SV2B: variants seen among roughly 807,000 people sequenced by gnomAD.
SV2B encodes the protein solute carrier family 22 member B2.
In SV2B, 41 loss-of-function variants were observed where a neutral mutation model predicts 73.9. The ratio of observed to expected loss-of-function variants is 0.56; its 90% CI spans 0.43 to 0.72. The LOEUF (loss-of-function observed/expected upper bound fraction) is 0.72. Among genes scored for constraint, SV2B ranks in the 30% least tolerant of loss-of-function variants. The pLI, the probability that SV2B is intolerant of heterozygous loss-of-function variation, is 0.00. For missense variants in SV2B, 764 were observed against 857.8 expected, an observed-to-expected ratio of 0.89 and a Z score of 1.37; for synonymous variants, 314 against 314.2, an observed-to-expected ratio of 1.00 and a Z score of 0.01.
At chr15:91,277,785 A>G (rs1236355916) in intron 9 of SV2B, among the ~76,000 whole-genome samples, 2 of 152,144 alleles carry the variant, frequency 1.3e-5, no homozygotes, top group African/African-American at 2.4e-5. Context: ...AACTATATTT[A>G]TATATGAATT....
rs1256011528 is a variant in SV2B, at chr15:91,129,913, G to A, written c.-392+29550G>A. Among the ~76,000 whole-genome samples, 1 of 152,206 alleles carries A rather than the reference G, an allele frequency of 6.6e-6. No homozygotes were observed. The highest frequency in any genetic ancestry group is 1.5e-5 in the Non-Finnish European group (1 of 68,034). Reference sequence around the variant, plus strand: ...GGGAGGGTTAAGTGAGATAATGCATGTAACACGCTTAGCTCAGTGCCTGGT... The same window carrying A: ...GGGAGGGTTAAGTGAGATAATGCATATAACACGCTTAGCTCAGTGCCTGGT... On this transcript the variant is annotated intron_variant, in intron 1 of 12. Transcript: ENST00000394232. The surrounding 1 kb of genome is among the most constrained non-coding windows in gnomAD (Gnocchi z 5.1).
chr15:91,272,847 T>G lies in SV2B; in HGVS notation c.1373+4242T>G, dbSNP rs1186840783. On this transcript the variant is annotated intron_variant, in intron 9 of 12. Coordinates refer to ENST00000394232, the MANE Select transcript of SV2B (RefSeq NM_001323032.3). ...ATTCGTCTTTTTTTTTTTTTTTTTTTTTTTTGATGGAGTCTCACTCTGTCT... is the reference window on the plus strand; with the variant it reads ...ATTCGTCTTTTTTTTTTTTTTTTTTGTTTTTGATGGAGTCTCACTCTGTCT... 2.8e-5 allele frequency among the ~76,000 whole-genome samples: 4 copies of G among 144,666 alleles called. 1 individual carries two copies. Among genetic ancestry groups the G allele is most frequent in the Non-Finnish European group, 6.0e-5 (4 of 66,480 alleles). The allele number at this position is 144,666 out of a possible 152,430, so 94.9% of individuals were successfully genotyped here.
intron 1 of SV2B, among the ~76,000 whole-genome samples, chr15:91,143,455 G>C (rs1596471149): frequency 6.6e-6 from 1 of 152,134 alleles, no homozygotes; most frequent in Non-Finnish European, 1.5e-5. Context: ...CCTGAGATAA[G>C]TTTGTCACGA....
intron 1 of SV2B, among the ~76,000 whole-genome samples, chr15:91,161,402 GA>G (rs1473015735): frequency 6.6e-6 from 1 of 152,128 alleles, no homozygotes; most frequent in African/African-American, 2.4e-5. Context: ...AGCAAGTTGT[GA>G]AAAACAGGTC....
chr15:91,189,929 A>G (rs547671107), intron 1 of SV2B, among the ~76,000 whole-genome samples: 7 of 152,252 alleles, frequency 4.6e-5, no homozygotes, highest in African/African-American at 1.7e-4. Flanking sequence ...CGGAGCTGGC[A>G]GTGAGCTGAG....
chr15:91,257,738 C>T (rs150577068), intron 4 of SV2B, among the ~76,000 whole-genome samples: 1 of 152,176 alleles, frequency 6.6e-6, no homozygotes, highest in African/African-American at 2.4e-5. Context: ...TCTGGCCTTC[C>T]TCTGGCTGCA....
chr15:91,221,632 C>A (rs983294424), intron 1 of SV2B, among the ~76,000 whole-genome samples: 19 of 151,616 alleles, frequency 1.3e-4, no homozygotes, highest in African/African-American at 4.6e-4. Context: ...TCCTTCCAGC[C>A]CCATGGCCAC....
rs534941844 is a variant in SV2B, at chr15:91,146,072, C to A, written c.-392+45709C>A. ...ATCTTTGCCCATTCCTTTGTCCAGA[C>A]TGGTATTGCCTAGGTTGTCTTCCAG... On this transcript the variant is annotated intron_variant, in intron 1 of 12. Transcript: ENST00000394232. Among the ~76,000 whole-genome samples, 32 of 152,262 alleles carry A rather than the reference C, an allele frequency of 2.1e-4. 1 individual carries two copies. Among genetic ancestry groups the A allele is most frequent in the Middle Eastern group, 3.4e-3 (1 of 294 alleles).
rs371617875 is a variant in SV2B at position 91,137,683 on chromosome 15, T to C, written c.-392+37320T>C. Among the ~76,000 whole-genome samples the C allele has an allele frequency of 2.7e-5, 4 of 148,302 alleles. No individual in the cohort carries two copies. The highest frequency in any genetic ancestry group is 2.0e-4 in the East Asian group (1 of 5,108). ...TATATACATATATTTCATATATATATACACACACACACACATTTGCACAGG... is the reference window on the plus strand; with the variant it reads ...TATATACATATATTTCATATATATACACACACACACACACATTTGCACAGG... On this transcript the variant is annotated intron_variant, in intron 1 of 12. Transcript: ENST00000394232. This position sits in a 1 kb window ranked among gnomAD's most constrained non-coding sequence, Gnocchi z 4.9.
rs1174945543 is a variant in SV2B, at chr15:91,129,948, A to G, written c.-392+29585A>G. ...TAGCTCAGTGCCTGGTCCTTGGCAA[A>G]GGCTCAGCAAAGGGAGGTGATATTA... On this transcript the variant is annotated intron_variant, in intron 1 of 12. Transcript: ENST00000394232. This position sits in a 1 kb window ranked among gnomAD's most constrained non-coding sequence, Gnocchi z 5.1. Among the ~76,000 whole-genome samples, 9 of 152,194 alleles carry G rather than the reference A, an allele frequency of 5.9e-5. No homozygotes were observed. Among genetic ancestry groups the G allele is most frequent in the Admixed American group, 5.2e-4 (8 of 15,284 alleles).
At chr15:91,169,851 A>G (rs1461912567) in intron 1 of SV2B, among the ~76,000 whole-genome samples, 1 of 152,220 alleles carries the variant, frequency 6.6e-6, no homozygotes, top group Non-Finnish European at 1.5e-5. Context: ...AGAACCAGTC[A>G]GACATTCATT....
chr15:91,191,063 CTTTTTTTTT>C (rs59849012), intron 1 of SV2B, among the ~76,000 whole-genome samples: 1 of 64,238 alleles, frequency 1.6e-5, no homozygotes, highest in Non-Finnish European at 3.1e-5. Context: ...TTTGGTGTTT[CTTTTTTTTT>C]TTTTTTTTTT....
chr15:91,270,981 A>G (rs956152470), intron 9 of SV2B, among the ~76,000 whole-genome samples: 1 of 150,940 alleles, frequency 6.6e-6, no homozygotes, highest in Admixed American at 6.6e-5. Flanking sequence ...TGATGGGCGG[A>G]CGGTGAGTCC....
At chr15:91,111,830 C>T (rs1000517407) in intron 1 of SV2B, among the ~76,000 whole-genome samples, 2 of 152,044 alleles carry the variant, frequency 1.3e-5, no homozygotes, top group African/African-American at 4.8e-5. Context: ...GGCAAAGAGA[C>T]AGCAGGCATG....
At chr15:91,103,333 T>A (rs569483521) in intron 1 of SV2B, among the ~76,000 whole-genome samples, 1 of 152,168 alleles carries the variant, frequency 6.6e-6, no homozygotes, top group Non-Finnish European at 1.5e-5. Flanking sequence ...AGTATTATGA[T>A]TTTTTGTTTC....
At chr15:91,127,168 C>T (rs2042508384) in intron 1 of SV2B, among the ~76,000 whole-genome samples, 1 of 152,170 alleles carries the variant, frequency 6.6e-6, no homozygotes, top group Non-Finnish European at 1.5e-5. Flanking sequence ...GAATGAATGT[C>T]AAGCTTCCAG....
rs550878087 is a variant in SV2B at position 91,223,678 on chromosome 15, C to T, written c.-391-2195C>T. Among the ~76,000 whole-genome samples, 20 of 152,246 alleles carry T rather than the reference C, an allele frequency of 1.3e-4. No individual in the cohort carries two copies. In the East Asian group the frequency reaches 3.3e-3, roughly 25 times the overall value. ...TGTTTACATGTGACTTATATTCCGC[C>T]GGTGGTCCCTAAATAGATGTAATAA... On this transcript the variant is annotated intron_variant, in intron 1 of 12. Transcript: ENST00000394232. This position sits in a 1 kb window ranked among gnomAD's most constrained non-coding sequence, Gnocchi z 4.6.
At chr15:91,196,284 C>T (rs867731285) in intron 1 of SV2B, among the ~76,000 whole-genome samples, 16 of 152,250 alleles carry the variant, frequency 1.1e-4, no homozygotes, top group African/African-American at 3.1e-4. Flanking sequence ...GTCTAGAGGG[C>T]GAGAGGGGCT....
At chr15:91,151,825 T>G (rs1361183926) in intron 1 of SV2B, among the ~76,000 whole-genome samples, 1 of 152,182 alleles carries the variant, frequency 6.6e-6, no homozygotes, top group Non-Finnish European at 1.5e-5. Context: ...AAGAGTGAGA[T>G]GGTTCATTCC....
Sources: allele counts gnomAD v4.1 joint callset (sites outside exome capture counted in the v4.1 genomes callset), GRCh38; gene constraint gnomAD v4.1.1; non-coding constraint Gnocchi (gnomAD v3.1); transcripts MANE v1.5; gene names NCBI Gene and HGNC (gene_info 2026-07-23, HGNC 2026-07-21).